TEC: variants seen among roughly 807,000 people sequenced by gnomAD.
The protein encoded by TEC is tec protein tyrosine kinase, also known as tyrosine-protein kinase Tec.
A neutral mutation model predicts 93.0 loss-of-function variants in TEC; 72 were observed. The observed-to-expected ratio is 0.77, with a 90% confidence interval of 0.64 to 0.94. The LOEUF (loss-of-function observed/expected upper bound fraction) is 0.94, where lower values mean the gene tolerates loss of function less well. Among genes scored for constraint, TEC ranks in the 40% least tolerant of loss-of-function variants. TEC has a pLI of 0.00. For synonymous variants in TEC, 249 were observed against 247.7 expected, an observed-to-expected ratio of 1.01 and a Z score of -0.05; for missense variants, 630 against 757.9, an observed-to-expected ratio of 0.83 and a Z score of 1.98.
At chr4:48,169,603 A>G (rs1721017794) in intron 5 of TEC, among the ~76,000 whole-genome samples, 1 of 152,134 alleles carries the variant, frequency 6.6e-6, no homozygotes, top group African/African-American at 2.4e-5. Context: ...TGATGGACCC[A>G]GTGAGCATTC....
intron 2 of TEC, among the ~76,000 whole-genome samples, chr4:48,196,806 T>G (rs937165533): frequency 6.6e-6 from 1 of 152,218 alleles, no homozygotes; most frequent in African/African-American, 2.4e-5. Context: ...GAAAAAGAAA[T>G]TAACCTTTCC....
intron 3 of TEC, among the ~76,000 whole-genome samples, chr4:48,172,324 C>T (rs1232028269): frequency 3.3e-5 from 5 of 152,140 alleles, no homozygotes; most frequent in Admixed American, 6.5e-5. Context: ...CCCTTTGTCA[C>T]GTCCACACCC....
chr4:48,241,097 G>C (rs1474861245), intron 1 of TEC, among the ~76,000 whole-genome samples: 1 of 152,124 alleles, frequency 6.6e-6, no homozygotes, highest in African/African-American at 2.4e-5. Flanking sequence ...AGTGTCTAAT[G>C]ACATTGTCAT....
At chr4:48,230,730 C>T (rs757929863) in intron 1 of TEC, among the ~76,000 whole-genome samples, 31 of 152,148 alleles carry the variant, frequency 2.0e-4, no homozygotes, top group Non-Finnish European at 5.9e-5. Context: ...CCTACCAGTC[C>T]ATCTTTACTT....
At chr4:48,160,135 T>C (rs1355102370) in intron 8 of TEC, among the ~76,000 whole-genome samples, 3 of 151,986 alleles carry the variant, frequency 2.0e-5, no homozygotes, top group African/African-American at 7.3e-5. Context: ...GTTTTGCAAA[T>C]GAAAAAACTG....
chr4:48,243,166 T>C (rs1197183928), intron 1 of TEC, among the ~76,000 whole-genome samples: 1 of 150,978 alleles, frequency 6.6e-6, no homozygotes, highest in African/African-American at 2.4e-5. Flanking sequence ...TCTTTAAACA[T>C]CATCCCGAAG....
At chr4:48,263,671 T>A (rs1260425648) in intron 1 of TEC, among the ~76,000 whole-genome samples, 1 of 152,066 alleles carries the variant, frequency 6.6e-6, no homozygotes, top group Non-Finnish European at 1.5e-5. Context: ...CACTCCAGTC[T>A]GGGTGACAGA....
chr4:48,201,189 G>C (rs2109596415), intron 2 of TEC, among the ~76,000 whole-genome samples: 1 of 152,248 alleles, frequency 6.6e-6, no homozygotes, highest in East Asian at 1.9e-4. Context: ...GGGATAAGTT[G>C]AGACAGACTC....
intron 2 of TEC, among the ~76,000 whole-genome samples, chr4:48,227,156 T>A (rs1252086569): frequency 6.6e-6 from 1 of 152,002 alleles, no homozygotes; most frequent in Non-Finnish European, 1.5e-5. Flanking sequence ...TGCTCCTAAA[T>A]TACATGAACC....
intron 2 of TEC, among the ~76,000 whole-genome samples, chr4:48,182,218 G>A (rs1433810340): frequency 1.3e-5 from 2 of 150,996 alleles, no homozygotes; most frequent in African/African-American, 4.9e-5. Flanking sequence ...TCAGGAGGTG[G>A]AGGTTGCAGT....
chr4:48,186,561 G>C (rs1431902432), intron 2 of TEC, among the ~76,000 whole-genome samples: 3 of 151,378 alleles, frequency 2.0e-5, no homozygotes, highest in African/African-American at 7.3e-5. Context: ...TGTCTGGGAG[G>C]TGAGGAGCGT....
chr4:48,218,798 AG>A (rs1291929805), intron 2 of TEC, among the ~76,000 whole-genome samples: 2 of 152,216 alleles, frequency 1.3e-5, no homozygotes, highest in African/African-American at 2.4e-5. Flanking sequence ...GAGATTTCCC[AG>A]GGTGTTTGAG....
intron 1 of TEC, among the ~76,000 whole-genome samples, chr4:48,246,203 G>C (rs1286519859): frequency 6.6e-6 from 1 of 151,874 alleles, no homozygotes; most frequent in African/African-American, 2.4e-5. Flanking sequence ...AAAAATGCAG[G>C]AACAAAATTT....
At chr4:48,193,330 A>C (rs1316359076) in intron 2 of TEC, among the ~76,000 whole-genome samples, 1 of 151,938 alleles carries the variant, frequency 6.6e-6, no homozygotes, top group African/African-American at 2.4e-5. Flanking sequence ...TTTATCTTCT[A>C]TCTTTTTTCT....
At chr4:48,186,829 C>T (rs2109575728) in intron 2 of TEC, among the ~76,000 whole-genome samples, 1 of 151,300 alleles carries the variant, frequency 6.6e-6, no homozygotes, top group Admixed American at 6.6e-5. Flanking sequence ...GCGCCTCCGC[C>T]CACCCACTGC....
chr4:48,196,629 T>C (rs773792729), intron 2 of TEC, among the ~76,000 whole-genome samples: 51 of 152,198 alleles, frequency 3.4e-4, no homozygotes, highest in Admixed American at 1.0e-3. Context: ...ACCTACCTTC[T>C]AGACTCCAAG....
chr4:48,139,592 C>T (rs986309873), intron 15 of TEC, among the ~76,000 whole-genome samples: 3 of 152,308 alleles, frequency 2.0e-5, no homozygotes, highest in East Asian at 1.9e-4. Context: ...TACATACATA[C>T]ACTCAAAACA....
At chr4:48,140,349 T>C (rs1341882759) in intron 15 of TEC, among the ~76,000 whole-genome samples, 4 of 152,216 alleles carry the variant, frequency 2.6e-5, no homozygotes, top group Admixed American at 6.5e-5. Context: ...AAATAGTTTA[T>C]CCTTTTATTT....
chr4:48,256,526 G>A (rs1173665878), intron 1 of TEC, among the ~76,000 whole-genome samples: 2 of 148,164 alleles, frequency 1.3e-5, no homozygotes, highest in Non-Finnish European at 3.0e-5. Context: ...CTGGAAGGTC[G>A]AGAGGCTGCA....
Sources: allele counts gnomAD v4.1 joint callset (sites outside exome capture counted in the v4.1 genomes callset), GRCh38; gene constraint gnomAD v4.1.1; transcripts MANE v1.5; gene names NCBI Gene and HGNC (gene_info 2026-07-23, HGNC 2026-07-21).